COMMD10: variants seen among roughly 807,000 people sequenced by gnomAD.
COMMD10 encodes COMM domain-containing protein 10.
A neutral mutation model predicts 28.9 loss-of-function variants in COMMD10; 33 were observed. The ratio of observed to expected loss-of-function variants is 1.14; its 90% CI spans 0.87 to 1.53. The LOEUF is 1.53. Ranked by LOEUF, COMMD10 falls within the 40% of genes most tolerant of loss-of-function variation. The pLI is 0.00. For missense variants in COMMD10, 310 were observed against 233.4 expected (o/e 1.33, Z -2.14); for synonymous variants, 110 against 81.7 (o/e 1.35, Z -1.87).
chr5:116,211,160 G>T (rs527238757), intron 5 of COMMD10, among the ~76,000 whole-genome samples: 3 of 152,176 alleles, frequency 2.0e-5, no homozygotes, highest in Admixed American at 2.0e-4. Context: ...TTATGTGTGT[G>T]TTTATGTATA....
intron 4 of COMMD10, among the ~76,000 whole-genome samples, chr5:116,124,592 A>T (rs902562904): frequency 1.3e-5 from 2 of 152,046 alleles, no homozygotes; most frequent in Non-Finnish European, 2.9e-5. Flanking sequence ...GGTCTGCTTG[A>T]TGCAGAGCTG....
At chr5:116,193,105 A>G (rs1299843286) in intron 5 of COMMD10, among the ~76,000 whole-genome samples, 1 of 152,232 alleles carries the variant, frequency 6.6e-6, no homozygotes, top group African/African-American at 2.4e-5. Context: ...CGGAAAAACA[A>G]ATGCTGCGTG....
chr5:116,237,825 T>G (rs1749712188), intron 5 of COMMD10, among the ~76,000 whole-genome samples: 1 of 152,200 alleles, frequency 6.6e-6, no homozygotes, highest in Non-Finnish European at 1.5e-5. Flanking sequence ...CTTAAATCTC[T>G]GATCTGTACT....
At chr5:116,122,349 T>A (rs1008039262) in intron 4 of COMMD10, among the ~76,000 whole-genome samples, 15 of 152,248 alleles carry the variant, frequency 9.9e-5, no homozygotes, top group South Asian at 2.1e-4. Context: ...GTATCTCTGT[T>A]TTGGTACCAG....
chr5:116,174,202 A>G (rs965998985), intron 5 of COMMD10, among the ~76,000 whole-genome samples: 2 of 152,162 alleles, frequency 1.3e-5, no homozygotes, highest in Non-Finnish European at 2.9e-5. Context: ...GTCTTAAGGA[A>G]AAACAATCCA....
intron 5 of COMMD10, among the ~76,000 whole-genome samples, chr5:116,226,042 CCTTTTTTGTAG>C (rs1322399280): frequency 2.0e-5 from 3 of 152,050 alleles, no homozygotes; most frequent in Non-Finnish European, 4.4e-5. Flanking sequence ...TTTTTCTTCT[CCTTTTTTGTAG>C]CTGTAGCTAT....
intron 4 of COMMD10, among the ~76,000 whole-genome samples, chr5:116,095,194 A>G (rs1049142592): frequency 2.6e-5 from 4 of 152,372 alleles, no homozygotes; most frequent in African/African-American, 9.6e-5. Context: ...CTGAACACAC[A>G]CAAATGATAA....
intron 5 of COMMD10, among the ~76,000 whole-genome samples, chr5:116,228,618 C>T (rs1171731660): frequency 1.3e-5 from 2 of 151,844 alleles, no homozygotes; most frequent in Non-Finnish European, 2.9e-5. Flanking sequence ...TATGGTCCTG[C>T]TGTGATTTTT....
rs770075866 is a variant in COMMD10 at position 116,156,477 on chromosome 5, G to A, written c.510+22299G>A. Among the ~76,000 whole-genome samples the A allele has an allele frequency of 2.0e-5, 3 of 152,034 alleles. No homozygotes were observed. The South Asian group carries it at 6.2e-4, about 32-fold the overall frequency. ...CCTTGAAGAGGTCTTTCCAGATTGG[G>A]GCTGGAGAATTAAAATGCTCAGGTT... On this transcript the variant is annotated intron_variant, in intron 5 of 6. Coordinates refer to ENST00000274458, the MANE Select transcript of COMMD10 (RefSeq NM_016144.4).
intron 5 of COMMD10, among the ~76,000 whole-genome samples, chr5:116,279,903 C>G (rs1484632968): frequency 6.6e-6 from 1 of 151,748 alleles, no homozygotes; most frequent in Non-Finnish European, 1.5e-5. Context: ...CTCAGCAAAG[C>G]TTTTAAATAT....
intron 5 of COMMD10, among the ~76,000 whole-genome samples, chr5:116,219,079 GAGACA>G (rs1445263452): frequency 1.3e-5 from 2 of 152,082 alleles, no homozygotes; most frequent in African/African-American, 4.8e-5. Flanking sequence ...GAAAACCTAT[GAGACA>G]AGACCATCTA....
chr5:116,147,901 A>C (rs1752397695), intron 5 of COMMD10, among the ~76,000 whole-genome samples: 1 of 151,852 alleles, frequency 6.6e-6, no homozygotes, highest in South Asian at 2.1e-4. Flanking sequence ...ATTGTAAACT[A>C]GTTGTCTTTC....
chr5:116,232,634 C>T (rs998856426), intron 5 of COMMD10, among the ~76,000 whole-genome samples: 1 of 152,036 alleles, frequency 6.6e-6, no homozygotes, highest in Non-Finnish European at 1.5e-5. Flanking sequence ...CCCAGGGGGG[C>T]AGAGGTTGCA....
At chr5:116,284,115 G>C (rs1463241214) in intron 5 of COMMD10, among the ~76,000 whole-genome samples, 1 of 151,826 alleles carries the variant, frequency 6.6e-6, no homozygotes, top group Non-Finnish European at 1.5e-5. Context: ...CTGGGCAACA[G>C]AGCAAGACCC....
intron 5 of COMMD10, among the ~76,000 whole-genome samples, chr5:116,231,551 A>C (rs147281152): frequency 2.0e-5 from 3 of 152,096 alleles, no homozygotes; most frequent in African/African-American, 7.2e-5. Flanking sequence ...ACTAAAATCT[A>C]TGGAGATCAA....
intron 4 of COMMD10, among the ~76,000 whole-genome samples, chr5:116,111,912 T>A (rs1208022710): frequency 6.6e-6 from 1 of 152,154 alleles, no homozygotes; most frequent in Non-Finnish European, 1.5e-5. Context: ...TCTCTTTAGG[T>A]CTAGTAATAT....
chr5:116,159,084 A>G (rs947668733), intron 5 of COMMD10, among the ~76,000 whole-genome samples: 2 of 152,132 alleles, frequency 1.3e-5, no homozygotes, highest in Non-Finnish European at 2.9e-5. Flanking sequence ...TTTGTCTTCT[A>G]TAGTGTGTTG....
chr5:116,203,956 A>G (rs1367682190), intron 5 of COMMD10, among the ~76,000 whole-genome samples: 1 of 152,172 alleles, frequency 6.6e-6, no homozygotes. Flanking sequence ...AAATTGGATA[A>G]AGAGTCAAGA....
At chr5:116,251,513 A>C (rs537614377) in intron 5 of COMMD10, among the ~76,000 whole-genome samples, 1 of 146,720 alleles carries the variant, frequency 6.8e-6, no homozygotes, top group African/African-American at 2.5e-5. Context: ...TCATTGTTCA[A>C]TTCCCACCTA....
Sources: allele counts gnomAD v4.1 joint callset (sites outside exome capture counted in the v4.1 genomes callset), GRCh38; gene constraint gnomAD v4.1.1; transcripts MANE v1.5; gene names NCBI Gene and HGNC (gene_info 2026-07-23, HGNC 2026-07-21).